The following KAZN variants were observed in gnomAD, a reference collection of about 807,000 sequenced individuals.
KAZN encodes kazrin.
KAZN carries 40 observed loss-of-function variants against 87.4 expected under a neutral mutation model. That is an observed-to-expected ratio of 0.46 (90% CI 0.36 to 0.60). The LOEUF (loss-of-function observed/expected upper bound fraction) is 0.60, where lower values mean the gene tolerates loss of function less well. KAZN is among the 20% of genes least tolerant of loss of function. KAZN has a pLI of 0.00. For synonymous variants in KAZN, 466 were observed against 458.3 expected (o/e 1.02, Z -0.22); for missense variants, 898 against 1,073.9 (o/e 0.84, Z 2.29).
exon 1 of KAZN, chr1:13,893,705 C>A: frequency 6.4e-7 from 1 of 1,550,428 alleles, no homozygotes; most frequent in Non-Finnish European, 8.7e-7. Flanking sequence ...TGCCACAGGC[C>A]CCGTCACCTT....
chr1:14,962,532 T>C (rs1232367300), intron 2 of KAZN, among the ~76,000 whole-genome samples: 2 of 152,176 alleles, frequency 1.3e-5, no homozygotes, highest in African/African-American at 4.8e-5. Flanking sequence ...CCCAGGATCC[T>C]GTAATATCCA....
intron 8 of KAZN, chr1:15,067,920 C>T (rs1639322973): frequency 1.2e-6 from 1 of 862,474 alleles, no homozygotes; most frequent in Non-Finnish European, 1.4e-6. Context: ...AAGATTGCAA[C>T]CACTCCTGCT....
At chr1:14,584,870 C>T (rs574784859) in intron 2 of KAZN, among the ~76,000 whole-genome samples, 13 of 152,192 alleles carry the variant, frequency 8.5e-5, no homozygotes, top group Admixed American at 3.3e-4. Flanking sequence ...CTCAAACTCC[C>T]GACCTCTGGT....
At chr1:14,475,738 T>G (rs2148379540) in intron 2 of KAZN, among the ~76,000 whole-genome samples, 1 of 152,344 alleles carries the variant, frequency 6.6e-6, no homozygotes. Flanking sequence ...ATTAAACTTT[T>G]TAGAATTTGA....
At chr1:14,682,844 A>G (rs1212921736) in intron 1 of KAZN, among the ~76,000 whole-genome samples, 1 of 152,128 alleles carries the variant, frequency 6.6e-6, no homozygotes, top group Non-Finnish European at 1.5e-5. Flanking sequence ...CCATCTTTTT[A>G]TTGTAAGAGA....
intron 1 of KAZN, among the ~76,000 whole-genome samples, chr1:14,919,120 C>T (rs189361202): frequency 3.2e-4 from 48 of 152,330 alleles, no homozygotes; most frequent in Admixed American, 1.6e-3. Context: ...CCTCCTCACA[C>T]CCGCAAAGCC....
intron 1 of KAZN, among the ~76,000 whole-genome samples, chr1:14,059,676 A>G (rs1378828290): frequency 1.3e-5 from 2 of 152,218 alleles, no homozygotes; most frequent in African/African-American, 4.8e-5. Flanking sequence ...TTGACAACTA[A>G]TATTAACCAT....
intron 2 of KAZN, among the ~76,000 whole-genome samples, chr1:14,973,022 A>G (rs1665241270): frequency 6.6e-6 from 1 of 151,814 alleles, no homozygotes. Context: ...TTATCCCCAG[A>G]ACAACCCCAT....
intron 1 of KAZN, among the ~76,000 whole-genome samples, chr1:14,952,477 C>T (rs1443659591): frequency 6.6e-6 from 1 of 151,946 alleles, no homozygotes; most frequent in African/African-American, 2.4e-5. Flanking sequence ...CTGAAACATG[C>T]TACTGCTATA....
intron 1 of KAZN, among the ~76,000 whole-genome samples, chr1:14,826,734 A>T (rs1230547034): frequency 1.3e-5 from 2 of 151,894 alleles, no homozygotes; most frequent in Non-Finnish European, 2.9e-5. Flanking sequence ...CATGCCCAAC[A>T]TGCACCTGCT....
chr1:14,099,079 G>A (rs1644191046), intron 1 of KAZN, among the ~76,000 whole-genome samples: 1 of 152,126 alleles, frequency 6.6e-6, no homozygotes, highest in African/African-American at 2.4e-5. Context: ...TAGTTTGATT[G>A]GGTAGCCTCT....
intron 2 of KAZN, among the ~76,000 whole-genome samples, chr1:14,551,993 CTTCCTTTCTTTCTTTTTT>C (rs1280733663): frequency 6.6e-6 from 1 of 151,798 alleles, no homozygotes; most frequent in Admixed American, 6.6e-5. Flanking sequence ...CTTTCTTTTT[CTTCCTTTCTTTCTTTTTT>C]TCTTAATGCT....
intron 1 of KAZN, among the ~76,000 whole-genome samples, chr1:14,699,186 A>G (rs1641784559): frequency 1.3e-5 from 2 of 149,298 alleles, no homozygotes; most frequent in African/African-American, 2.5e-5. Context: ...GGAGACAACA[A>G]TTTAGCTGGC....
chr1:14,575,803 AAAT>A (rs1360088890), intron 2 of KAZN, among the ~76,000 whole-genome samples: 1 of 152,212 alleles, frequency 6.6e-6, no homozygotes, highest in Admixed American at 6.5e-5. Flanking sequence ...CAATGCCACT[AAAT>A]AATTGTCTAT....
chr1:14,406,229 C>T (rs978027549), intron 2 of KAZN, among the ~76,000 whole-genome samples: 4 of 151,872 alleles, frequency 2.6e-5, no homozygotes, highest in Admixed American at 1.3e-4. Flanking sequence ...TATACATCTA[C>T]AATGTACTCA....
chr1:15,044,243 T>G, intron 4 of KAZN, 84 bp downstream of exon 4: 2 of 519,738 alleles, frequency 3.8e-6, no homozygotes, highest in Non-Finnish European at 5.7e-6. Context: ...CCGACTCACA[T>G]CGGAGACCTA....
intron 1 of KAZN, among the ~76,000 whole-genome samples, chr1:14,662,673 G>A (rs569447098): frequency 6.6e-6 from 1 of 151,738 alleles, no homozygotes; most frequent in South Asian, 2.1e-4. Flanking sequence ...GTGTGTGTGT[G>A]TATATGAGTG....
At chr1:14,042,553 C>G (rs1375648013) in intron 1 of KAZN, among the ~76,000 whole-genome samples, 1 of 152,236 alleles carries the variant, frequency 6.6e-6, no homozygotes, top group East Asian at 1.9e-4. Flanking sequence ...CTTCTGCTCA[C>G]TCAATCTATT....
At chr1:14,477,507 G>A (rs1012996032) in intron 2 of KAZN, among the ~76,000 whole-genome samples, 1 of 150,924 alleles carries the variant, frequency 6.6e-6, no homozygotes, top group Non-Finnish European at 1.5e-5. Flanking sequence ...CTTTTCATCA[G>A]GGCAAATTAT....
Sources: allele counts gnomAD v4.1 joint callset (sites outside exome capture counted in the v4.1 genomes callset), GRCh38; gene constraint gnomAD v4.1.1; transcripts MANE v1.5; gene names NCBI Gene and HGNC (gene_info 2026-07-23, HGNC 2026-07-21).